FAM135A: variants seen among roughly 807,000 people sequenced by gnomAD.
FAM135A encodes family with sequence similarity 135 member A, also known as protein FAM135A.
A neutral mutation model predicts 146.8 loss-of-function variants in FAM135A; 79 were observed. The observed-to-expected ratio is 0.54, with a 90% CI of 0.45 to 0.65. The LOEUF is 0.65. FAM135A is among the 30% of genes least tolerant of loss of function. The pLI is 0.00. For missense variants in FAM135A, 1,623 were observed against 1,758.2 expected (o/e 0.92, Z 1.38); for synonymous variants, 562 against 603.6 (o/e 0.93, Z 1.01).
chr6:70,502,009 T>C (rs1274822641), intron 11 of FAM135A, among the ~76,000 whole-genome samples: 1 of 152,168 alleles, frequency 6.6e-6, no homozygotes. Flanking sequence ...AATTTTTGTA[T>C]CTCTAGAATC....
chr6:70,536,199 CT>C, intron 18 of FAM135A, 60 bp from the exon 19 acceptor site: 1 of 1,485,864 alleles, frequency 6.7e-7, no homozygotes, highest in East Asian at 2.4e-5. Context: ...AGTGGATCAG[CT>C]TTGATTTTTG....
chr6:70,483,889 C>T (rs781195689), intron 10 of FAM135A, among the ~76,000 whole-genome samples: 3 of 152,148 alleles, frequency 2.0e-5, no homozygotes, highest in Non-Finnish European at 2.9e-5. Context: ...TTCAAGAGTG[C>T]ACATTTGGAA....
At chr6:70,479,355 T>C (rs970861291) in intron 8 of FAM135A, among the ~76,000 whole-genome samples, 1 of 152,100 alleles carries the variant, frequency 6.6e-6, no homozygotes, top group African/African-American at 2.4e-5. Flanking sequence ...AAGAAGAAAT[T>C]TTTGGCTCAG....
At chr6:70,425,223 T>C (rs1769795229) in intron 2 of FAM135A, among the ~76,000 whole-genome samples, 1 of 152,032 alleles carries the variant, frequency 6.6e-6, no homozygotes, top group Non-Finnish European at 1.5e-5. Context: ...TCCTAGCCTA[T>C]AGTAGGTGTT....
At chr6:70,496,446 T>C (rs956635583) in intron 11 of FAM135A, among the ~76,000 whole-genome samples, 1 of 148,526 alleles carries the variant, frequency 6.7e-6, no homozygotes, top group Admixed American at 6.6e-5. Flanking sequence ...TCTCCCATTC[T>C]GTAGGTTGCC....
chr6:70,439,046 C>G (rs1277440244), intron 4 of FAM135A, among the ~76,000 whole-genome samples: 1 of 152,124 alleles, frequency 6.6e-6, no homozygotes, highest in Non-Finnish European at 1.5e-5. Context: ...GTGGTGCTTG[C>G]CTGTAGTCCC....
chr6:70,484,576 G>C (rs1784278732), intron 10 of FAM135A, among the ~76,000 whole-genome samples: 1 of 152,128 alleles, frequency 6.6e-6, no homozygotes, highest in African/African-American at 2.4e-5. Context: ...GATTGTTTTG[G>C]GATGAAACTA....
chr6:70,451,675 A>T (rs952036302), intron 4 of FAM135A, among the ~76,000 whole-genome samples: 1 of 152,164 alleles, frequency 6.6e-6, no homozygotes, highest in Non-Finnish European at 1.5e-5. Context: ...TATATTTTTA[A>T]TCTTTGCCTT....
intron 12 of FAM135A, chr6:70,504,172 TG>T (rs1789197599): frequency 6.6e-6 from 1 of 152,246 alleles, no homozygotes; most frequent in African/African-American, 2.4e-5. Context: ...AACTGATGGA[TG>T]CGAAATGGTA....
At chr6:70,530,525 T>A (rs1455893719) in intron 16 of FAM135A, among the ~76,000 whole-genome samples, 1 of 152,138 alleles carries the variant, frequency 6.6e-6, no homozygotes, top group Admixed American at 6.6e-5. Flanking sequence ...ACCAAAGGAA[T>A]CCACTAAACT....
At chr6:70,520,544 T>A (rs1330255929) in intron 12 of FAM135A, among the ~76,000 whole-genome samples, 1 of 152,204 alleles carries the variant, frequency 6.6e-6, no homozygotes, top group East Asian at 1.9e-4. Flanking sequence ...TTATTTTGAA[T>A]GCTTGGCTGT....
At chr6:70,520,808 G>A (rs1793392854) in intron 12 of FAM135A, among the ~76,000 whole-genome samples, 1 of 152,156 alleles carries the variant, frequency 6.6e-6, no homozygotes, top group Admixed American at 6.5e-5. Context: ...ACACACTACA[G>A]TTAATACCCT....
Position 70,501,633 on chromosome 6 carries a change from AG to A in FAM135A, c.874-1000del, listed in dbSNP as rs200335013. Among the ~76,000 whole-genome samples, 458 of 152,344 alleles carry A rather than the reference AG, an allele frequency of 3.0e-3. 1 individual carries two copies. The highest frequency in any genetic ancestry group is 9.9e-3 in the African/African-American group (412 of 41,586). ...AAGGTCCTGGTGGTACAGGCACATG[AG>A]GGAACCTCCTGATCTGCAGATTGCA... On this transcript the variant is annotated intron_variant, in intron 11 of 21. Coordinates refer to ENST00000418814, the MANE Select transcript of FAM135A (RefSeq NM_001162529.3).
intron 12 of FAM135A, among the ~76,000 whole-genome samples, chr6:70,517,270 C>G (rs1385217274): frequency 3.3e-5 from 5 of 152,112 alleles, no homozygotes; most frequent in African/African-American, 9.7e-5. Flanking sequence ...GTGGCTTATG[C>G]CAATAATGCT....
At chr6:70,478,220 A>G (rs185638779) in intron 8 of FAM135A, among the ~76,000 whole-genome samples, 1 of 152,282 alleles carries the variant, frequency 6.6e-6, no homozygotes, top group African/African-American at 2.4e-5. Context: ...CATTGAGATA[A>G]TTATTTTTTT....
At chr6:70,463,198 C>T (rs1779747099) in intron 5 of FAM135A, among the ~76,000 whole-genome samples, 1 of 152,114 alleles carries the variant, frequency 6.6e-6, no homozygotes, top group African/African-American at 2.4e-5. Flanking sequence ...CTTTTTAAAA[C>T]CGTAGGTAAC....
chr6:70,445,838 C>T (rs978799919), intron 4 of FAM135A, among the ~76,000 whole-genome samples: 1 of 151,784 alleles, frequency 6.6e-6, no homozygotes, highest in African/African-American at 2.4e-5. Flanking sequence ...GTTTAATGGC[C>T]AGATTCGGGG....
At chr6:70,481,920 T>A in intron 9 of FAM135A, 81 bp from the exon 10 acceptor site, 1 of 1,377,134 alleles carries the variant, frequency 7.3e-7, no homozygotes, top group Non-Finnish European at 9.7e-7. Flanking sequence ...TGGTTAAGTA[T>A]TTTTTCTTTA....
rs61744703 is a variant in FAM135A, at chr6:70,477,172, A to G, written c.382A>G (p.Asn128Asp). 6.2e-6 allele frequency: 10 copies of G among 1,613,158 alleles called. No homozygotes were observed. The highest frequency in any genetic ancestry group is 8.5e-6 in the Non-Finnish European group (10 of 1,179,562). ...TDGDYSADDL[N>D]ALQLISSRTL... ...TCCTTTTTACAGGGCAGATGATCTG[A>G]ATGCCTTGCAACTAATAAGTAGCCG... Residue 128 changes from asparagine (N) to aspartate (D), a missense_variant, in exon 8 of 22, where the codon AAT becomes GAT. Asn to Asp is a conservative substitution (Grantham distance 23). Transcript: ENST00000418814.
Sources: gnomAD v4.1 joint callset for allele counts (sites outside exome capture counted in the v4.1 genomes callset) on GRCh38, gnomAD v4.1.1 for gene constraint, MANE v1.5 for transcripts, NCBI Gene and HGNC (gene_info 2026-07-23, HGNC 2026-07-21) for gene names.